Variants in STX8 observed in about 807,000 individuals in gnomAD.
STX8 encodes syntaxin 8, also known as syntaxin-8.
Under a neutral mutation model 37.5 loss-of-function variants are expected in STX8, and 23 were observed. That is an observed-to-expected ratio of 0.61 (90% CI 0.44 to 0.87). The LOEUF is 0.87. Among genes scored for constraint, STX8 ranks in the 40% least tolerant of loss-of-function variants. STX8 has a pLI of 0.00. For missense variants in STX8, 313 were observed against 284.7 expected (o/e 1.10, Z -0.71); for synonymous variants, 115 against 99.1 (o/e 1.16, Z -0.95).
intron 7 of STX8, among the ~76,000 whole-genome samples, chr17:9,270,711 T>C (rs1907424114): frequency 6.6e-6 from 1 of 152,184 alleles, no homozygotes; most frequent in African/African-American, 2.4e-5. Flanking sequence ...ATCAATAGAA[T>C]AGGTAATCAA....
At chr17:9,367,663 A>T (rs1911269024) in intron 7 of STX8, among the ~76,000 whole-genome samples, 1 of 152,240 alleles carries the variant, frequency 6.6e-6, no homozygotes, top group South Asian at 2.1e-4. Context: ...AAATGATGGT[A>T]TTGCTACTTG....
chr17:9,353,575 C>G (rs901731880), intron 7 of STX8, among the ~76,000 whole-genome samples: 3 of 152,110 alleles, frequency 2.0e-5, no homozygotes, highest in African/African-American at 7.2e-5. Context: ...CTCCCTAGTT[C>G]CCAATAACAT....
chr17:9,481,989 T>A (rs1477022605), intron 6 of STX8, among the ~76,000 whole-genome samples: 1 of 152,190 alleles, frequency 6.6e-6, no homozygotes, highest in Non-Finnish European at 1.5e-5. Context: ...ACCGCTGTTC[T>A]ATGGCAACCT....
At chr17:9,467,082 G>C (rs1905649310) in intron 6 of STX8, 1 of 152,092 alleles carries the variant, frequency 6.6e-6, no homozygotes, top group African/African-American at 2.4e-5. Context: ...GTAGAGATGG[G>C]GTTACACCAT....
chr17:9,402,067 A>T (rs1912640384), intron 6 of STX8, among the ~76,000 whole-genome samples: 1 of 151,952 alleles, frequency 6.6e-6, no homozygotes, highest in Admixed American at 6.6e-5. Flanking sequence ...TTTTCTGATT[A>T]TATGTACGTT....
chr17:9,288,257 CAAT>C (rs1421568567), intron 7 of STX8, among the ~76,000 whole-genome samples: 4 of 138,720 alleles, frequency 2.9e-5, no homozygotes, highest in Admixed American at 1.4e-4. Context: ...GTGAAAGAAA[CAAT>C]AATTACAATT....
At chr17:9,441,359 A>G (rs536053106) in intron 6 of STX8, among the ~76,000 whole-genome samples, 4 of 151,436 alleles carry the variant, frequency 2.6e-5, no homozygotes, top group East Asian at 2.0e-4. Context: ...GTGTGGTGGC[A>G]TGCACCTGTA....
At chr17:9,267,264 C>A (rs899077137) in intron 7 of STX8, among the ~76,000 whole-genome samples, 7 of 152,162 alleles carry the variant, frequency 4.6e-5, no homozygotes, top group Non-Finnish European at 8.8e-5. Flanking sequence ...ACTCTCAGAG[C>A]CATCATGGAG....
chr17:9,282,981 C>T (rs898772922), intron 7 of STX8, among the ~76,000 whole-genome samples: 1 of 151,134 alleles, frequency 6.6e-6, no homozygotes, highest in African/African-American at 2.4e-5. Context: ...TCTAAAGACA[C>T]CAGCATAGGT....
intron 2 of STX8, among the ~76,000 whole-genome samples, chr17:9,559,753 TA>T (rs1567610127): frequency 6.7e-5 from 3 of 44,986 alleles, no homozygotes; most frequent in African/African-American, 1.9e-4. Flanking sequence ...TATATATATA[TA>T]TATATATTTT....
chr17:9,302,430 A>C (rs1597592950), intron 7 of STX8, among the ~76,000 whole-genome samples: 1 of 152,072 alleles, frequency 6.6e-6, no homozygotes, highest in African/African-American at 2.4e-5. Context: ...TGCATTCCTT[A>C]AGTTGGCTTA....
At chr17:9,561,135 TTAAG>T (rs1362910507) in intron 2 of STX8, among the ~76,000 whole-genome samples, 5 of 152,062 alleles carry the variant, frequency 3.3e-5, no homozygotes, top group African/African-American at 9.7e-5. Context: ...ATTTACATAA[TTAAG>T]TATTTATAAA....
At chr17:9,296,629 TA>T (rs56185238) in intron 7 of STX8, among the ~76,000 whole-genome samples, 240 of 140,300 alleles carry the variant, frequency 1.7e-3, no homozygotes, top group African/African-American at 2.3e-3. Context: ...GTTGAAAGAC[TA>T]AAAAAAAAAA....
intron 5 of STX8, among the ~76,000 whole-genome samples, chr17:9,496,216 C>T (rs1393038519): frequency 6.6e-6 from 1 of 152,108 alleles, no homozygotes. Flanking sequence ...GCTGGGATTA[C>T]AGGCATCCAC....
chr17:9,387,282 A>G (rs1322225354), intron 6 of STX8, among the ~76,000 whole-genome samples: 1 of 151,888 alleles, frequency 6.6e-6, no homozygotes. Context: ...ATATAGTAGC[A>G]TATGTAAAAG....
At chr17:9,537,498 C>A (rs969851207) in intron 4 of STX8, among the ~76,000 whole-genome samples, 5 of 152,276 alleles carry the variant, frequency 3.3e-5, no homozygotes, top group East Asian at 3.9e-4. Flanking sequence ...AGACTTTACA[C>A]GAGGCAGGCA....
At chr17:9,484,876 ATGAACT>A (rs1906516680) in intron 6 of STX8, among the ~76,000 whole-genome samples, 1 of 152,132 alleles carries the variant, frequency 6.6e-6, no homozygotes, top group Non-Finnish European at 1.5e-5. Context: ...GGTGCAACTG[ATGAACT>A]TGAAGTGAGT....
chr17:9,464,870 C>A (rs564812716), intron 6 of STX8: 24 of 152,144 alleles, frequency 1.6e-4, no homozygotes, highest in African/African-American at 5.8e-4. Flanking sequence ...TTACAGGCAC[C>A]TGCCACCAGG....
At chr17:9,331,402 T>A (rs1459254741) in intron 7 of STX8, among the ~76,000 whole-genome samples, 2 of 151,952 alleles carry the variant, frequency 1.3e-5, no homozygotes, top group East Asian at 3.9e-4. Context: ...TAATGTTCCT[T>A]GCAAACAGAA....
Sources: gnomAD v4.1 joint callset for allele counts (sites outside exome capture counted in the v4.1 genomes callset) on GRCh38, gnomAD v4.1.1 for gene constraint, MANE v1.5 for transcripts, NCBI Gene and HGNC (gene_info 2026-07-23, HGNC 2026-07-21) for gene names.